Variants in ADGRG1 observed in about 807,000 individuals in gnomAD.
ADGRG1 encodes 7-transmembrane protein with no EGF-like N-terminal domains-1.
In ADGRG1, 53 loss-of-function variants were observed where a neutral mutation model predicts 73.5. The observed-to-expected ratio is 0.72, with a 90% CI of 0.58 to 0.91. The LOEUF (loss-of-function observed/expected upper bound fraction) is 0.91, where lower values mean the gene tolerates loss of function less well. ADGRG1 is among the 40% of genes least tolerant of loss of function. The pLI is 0.00. For missense variants in ADGRG1, 795 were observed against 871.8 expected, an observed-to-expected ratio of 0.91 and a Z score of 1.11; for synonymous variants, 394 against 374.4, an observed-to-expected ratio of 1.05 and a Z score of -0.60.
chr16:57,651,920 A>G, intron 3 of ADGRG1: 1 of 1,370,418 alleles, frequency 7.3e-7, no homozygotes, highest in South Asian at 1.5e-5. Flanking sequence ...GTCTTGGTGA[A>G]GGAGGATGAG....
At position 57,646,925 on chromosome 16, in the gene ADGRG1, C is replaced by T. The variant is rs118109420; in HGVS notation, c.-35-3328C>T. The T allele has an allele frequency of 9.0e-3, 8,879 of 985,146 alleles. 70 individuals carry two copies. The highest frequency in any genetic ancestry group is 0.028 in the Middle Eastern group (53 of 1,914). The allele number at this position is 985,146 out of a possible 1,614,324, so 61.0% of individuals were successfully genotyped here. A position where few individuals can be genotyped will look rare whatever the true frequency, so the allele number is the denominator to read the frequency against. ...GCTCTGTGTGAGCAGAGGCAGGGCC[C>T]TTGCCTGTGGGGCCGTGGTTGGTAC... On this transcript the variant is annotated intron_variant, in intron 1 of 13. Coordinates refer to ENST00000562631, the MANE Select transcript of ADGRG1 (RefSeq NM_201525.4).
intron 1 of ADGRG1, chr16:57,645,204 G>A (rs1000532845): frequency 1.6e-5 from 16 of 985,340 alleles, no homozygotes; most frequent in Non-Finnish European, 1.8e-5. Flanking sequence ...AGCTGCGGAC[G>A]GGAGGGGAGC....
In ADGRG1 at chr16:57,651,296, T is replaced by A. The variant is rs368183296; in HGVS notation, c.161T>A (p.Leu54Gln). The A allele has an allele frequency of 1.2e-6, 2 of 1,614,004 alleles. No homozygotes were observed. Among genetic ancestry groups the A allele is most frequent in the Non-Finnish European group, 1.7e-6 (2 of 1,180,010 alleles). Residue 54 changes from leucine to glutamine, a missense_variant, in exon 3 of 14, where the codon CTG becomes CAG. By Grantham distance (113) the Leu-to-Gln change is moderately radical. Coordinates refer to ENST00000562631, the MANE Select transcript of ADGRG1 (RefSeq NM_201525.4). ...SSLHYKPTPD[L>Q]RISIENSEEA... ...CTCCACTACAAACCCACACCAGACC[T>A]GCGCATCTCCATCGAGAACTCCGAA...
upstream of ADGRG1, chr16:57,624,047 G>A (rs1175655858): frequency 3.4e-6 from 1 of 290,380 alleles, no homozygotes; most frequent in East Asian, 1.7e-4. Context: ...TGGAGTTCTG[G>A]GCCTTTGGCA....
At chr16:57,657,931 G>A (rs1441138893) in intron 10 of ADGRG1, among the ~76,000 whole-genome samples, 1 of 151,808 alleles carries the variant, frequency 6.6e-6, no homozygotes, top group Non-Finnish European at 1.5e-5. Flanking sequence ...TAGTAGAGAC[G>A]GGGTTTCACC....
chr16:57,633,162 T>C (rs1389482798), intron 1 of ADGRG1: 3 of 363,482 alleles, frequency 8.3e-6, no homozygotes, highest in Non-Finnish European at 7.6e-6. Context: ...TAAATGGAGA[T>C]AACAATACAT....
intron 1 of ADGRG1, chr16:57,633,608 G>C: frequency 1.5e-6 from 1 of 656,076 alleles, no homozygotes; most frequent in Non-Finnish European, 1.9e-6. Flanking sequence ...GCCTGGGACA[G>C]GTATATTAAC....
intron 1 of ADGRG1, chr16:57,633,177 T>C: frequency 2.5e-6 from 1 of 396,052 alleles, no homozygotes; most frequent in Non-Finnish European, 3.4e-6. Context: ...ATACATCCCT[T>C]TGCAGGGTTG....
intron 1 of ADGRG1, chr16:57,648,659 C>A (rs2148115387): frequency 1.0e-6 from 1 of 984,234 alleles, no homozygotes; most frequent in Non-Finnish European, 1.2e-6. Context: ...TCCTTGGTTT[C>A]TCTTAAACTC....
At chr16:57,663,263 A>C in intron 13 of ADGRG1, 189 bp from the exon 14 acceptor site, 3 of 933,760 alleles carry the variant, frequency 3.2e-6, no homozygotes, top group Non-Finnish European at 3.8e-6. Flanking sequence ...GTGAGAGGCC[A>C]CACGGGGACG....
At chr16:57,624,810 C>T, upstream of ADGRG1, 2 of 531,746 alleles carry the variant, frequency 3.8e-6, no homozygotes, top group Non-Finnish European at 4.8e-6. Flanking sequence ...TCTCTACCTC[C>T]TTTGCAGGCC....
At chr16:57,656,700 T>C in intron 9 of ADGRG1, 83 bp downstream of exon 9, 1 of 842,508 alleles carries the variant, frequency 1.2e-6, no homozygotes. Context: ...TATTCAGTCA[T>C]TTATTCCTCA....
intron 1 of ADGRG1, chr16:57,631,606 C>T: frequency 2.0e-6 from 2 of 985,524 alleles, no homozygotes; most frequent in Non-Finnish European, 2.4e-6. Context: ...CGCCTTCTGA[C>T]TCACAGCAGA....
In ADGRG1 at chr16:57,663,627, C is replaced by CG; in HGVS notation, c.*46dup. The CG allele has an allele frequency of 6.3e-7, 1 of 1,598,304 alleles. No individual in the cohort carries two copies. Among genetic ancestry groups the CG allele is most frequent in the Non-Finnish European group, 8.5e-7 (1 of 1,174,156 alleles). ...ATGTGATGAAGCAGAGATTCGGCCT[C>CG]GTCGCACACTGCCTGTGGCCCCCGA... On this transcript the variant is annotated 3_prime_UTR_variant, in exon 14 of 14. Transcript: ENST00000562631.
At chr16:57,650,149 C>A in intron 1 of ADGRG1, 104 bp from the exon 2 acceptor site, 1 of 1,545,066 alleles carries the variant, frequency 6.5e-7, no homozygotes. Flanking sequence ...CTTGCTTCCC[C>A]ACCTCACCTC....
rs779124868 is a variant in ADGRG1, at chr16:57,643,438, C to T, written c.-35-6815C>T. The T allele has an allele frequency of 6.8e-4, 274 of 405,862 alleles. 1 individual carries two copies. Among genetic ancestry groups the T allele is most frequent in the Non-Finnish European group, 8.7e-4 (261 of 300,588 alleles). 25.1% of individuals were successfully genotyped at this position (405,862 alleles called of 1,614,324 possible). ...CCCTCTCAGGCTGGCAGGGAGTGCC[C>T]CAACTTCTCCCCTTTGTCACTCTTC... On this transcript the variant is annotated intron_variant, in intron 1 of 13. Coordinates refer to ENST00000562631, the MANE Select transcript of ADGRG1 (RefSeq NM_201525.4).
intron 6 of ADGRG1, 98 bp downstream of exon 6, chr16:57,655,628 C>A: frequency 1.3e-6 from 2 of 1,593,420 alleles, no homozygotes; most frequent in South Asian, 2.2e-5. Flanking sequence ...CTCTGGGAGT[C>A]AAAGCCTTTC....
At chr16:57,634,676 C>T (rs1278214195) in intron 1 of ADGRG1, 4 of 185,312 alleles carry the variant, frequency 2.2e-5, no homozygotes, top group Non-Finnish European at 4.1e-5. Flanking sequence ...TAGTGAGTTC[C>T]CCACCTTTGT....
In ADGRG1 at chr16:57,651,526, C is replaced by T. The variant is rs773498177; in HGVS notation, c.391C>T (p.Gln131Ter). ...CFQHQEESLA[Q>*]GPPLLATSVT... ...CCAGCACCAGGAGGAGAGCCTGGCTCAGGGCCCCCCGCTGTTAGCCACTTC... is the reference window on the plus strand; with the variant it reads ...CCAGCACCAGGAGGAGAGCCTGGCTTAGGGCCCCCCGCTGTTAGCCACTTC... The change falls in exon 3 of 14, where the codon CAG becomes TAG. Residue 131 changes from glutamine to a stop codon, truncating the protein, a stop_gained. Transcript: ENST00000562631. LOFTEE classifies it high-confidence loss of function. 3.1e-6 allele frequency: 5 copies of T among 1,614,112 alleles called. No homozygotes were observed. Among genetic ancestry groups the T allele is most frequent in the Non-Finnish European group, 8.5e-7 (1 of 1,180,036 alleles).
Sources: gnomAD v4.1 joint callset for allele counts (sites outside exome capture counted in the v4.1 genomes callset) on GRCh38, gnomAD v4.1.1 for gene constraint, MANE v1.5 for transcripts, NCBI Gene and HGNC (gene_info 2026-07-23, HGNC 2026-07-21) for gene names.